The following USP25 variants were observed in gnomAD, a reference collection of about 807,000 sequenced individuals.
The protein encoded by USP25 is ubiquitin specific peptidase 25, also known as ubiquitin carboxyl-terminal hydrolase 25.
Under a neutral mutation model 158.5 loss-of-function variants are expected in USP25, and 85 were observed. The observed-to-expected ratio is 0.54, with a 90% CI of 0.45 to 0.64. USP25 has a LOEUF of 0.64. USP25 is among the 30% of genes least tolerant of loss of function. The pLI is 0.00. For synonymous variants in USP25, 464 were observed against 460.4 expected (o/e 1.01, Z -0.10); for missense variants, 1,242 against 1,327.3 (o/e 0.94, Z 1.00).
intron 9 of USP25, 69 bp from the exon 10 acceptor site, chr21:15,818,629 C>A: frequency 7.2e-7 from 1 of 1,383,654 alleles, no homozygotes; most frequent in South Asian, 1.4e-5. Context: ...GGTGAGAATC[C>A]TTACGTACTC....
At chr21:15,767,264 T>C (rs1049879593) in intron 3 of USP25, among the ~76,000 whole-genome samples, 1 of 152,066 alleles carries the variant, frequency 6.6e-6, no homozygotes, top group Admixed American at 6.6e-5. Context: ...TTCTCTGTCT[T>C]TACATTTGCT....
chr21:15,828,669 C>T (rs959359261), intron 14 of USP25, among the ~76,000 whole-genome samples: 7 of 152,178 alleles, frequency 4.6e-5, no homozygotes, highest in Non-Finnish European at 1.0e-4. Context: ...GACGGAGTCT[C>T]GCTCTGTCAC....
intron 1 of USP25, among the ~76,000 whole-genome samples, chr21:15,732,079 T>C (rs757345569): frequency 6.6e-6 from 1 of 152,192 alleles, no homozygotes; most frequent in Non-Finnish European, 1.5e-5. Context: ...GGTTCAGAGG[T>C]TATGCATAAA....
Position 15,730,352 on chromosome 21 carries a change from C to G in USP25, c.-42C>G. The G allele has an allele frequency of 8.6e-7, 1 of 1,158,556 alleles. No individual in the cohort carries two copies. The highest frequency in any genetic ancestry group is 1.1e-6 in the Non-Finnish European group (1 of 943,212). The allele number at this position is 1,158,556 out of a possible 1,614,324, so 71.8% of individuals were successfully genotyped here. ...CCAGGGCCGGCGGAGGCGCGAGGAG[C>G]CGGGCGCCACCGCCGCCGCCGCCGC... On this transcript the variant is annotated 5_prime_UTR_variant, in exon 1 of 26. Coordinates refer to ENST00000400183, the MANE Select transcript of USP25 (RefSeq NM_001283041.3).
intron 19 of USP25, among the ~76,000 whole-genome samples, chr21:15,848,614 A>T (rs1483566441): frequency 6.6e-6 from 1 of 152,062 alleles, no homozygotes; most frequent in Non-Finnish European, 1.5e-5. Flanking sequence ...TAAGAATTGC[A>T]TTTATGTTAA....
chr21:15,743,808 A>G (rs960559023), intron 1 of USP25, among the ~76,000 whole-genome samples: 2 of 151,892 alleles, frequency 1.3e-5, no homozygotes, highest in Non-Finnish European at 2.9e-5. Context: ...GCGCCTGCCT[A>G]GGAATTTGTC....
intron 1 of USP25, among the ~76,000 whole-genome samples, chr21:15,756,709 G>T (rs2033400851): frequency 6.6e-6 from 1 of 152,104 alleles, no homozygotes; most frequent in Admixed American, 6.6e-5. Context: ...ATGTTATTGT[G>T]CAGTAAAAAT....
chr21:15,839,463 GAAC>G (rs1236769712), intron 17 of USP25, among the ~76,000 whole-genome samples: 1 of 152,132 alleles, frequency 6.6e-6, no homozygotes, highest in Non-Finnish European at 1.5e-5. Flanking sequence ...CTTCCATACA[GAAC>G]AACACAATAT....
intron 12 of USP25, among the ~76,000 whole-genome samples, chr21:15,825,700 A>G (rs550798046): frequency 2.6e-5 from 4 of 152,256 alleles, no homozygotes; most frequent in South Asian, 2.1e-4. Context: ...GCAAACCCCA[A>G]TCTGCTCTGC....
At chr21:15,872,031 T>G (rs1202000641) in intron 23 of USP25, among the ~76,000 whole-genome samples, 2 of 147,924 alleles carry the variant, frequency 1.4e-5, no homozygotes, top group Admixed American at 6.7e-5. Context: ...TTTTTTTTTT[T>G]TTTTTTTTTA....
Position 15,877,108 on chromosome 21 carries a change from G to A in USP25, c.3010-688G>A, listed in dbSNP as rs2040129581. The stretch of plus-strand genomic sequence containing the variant: ...ATTCATTTATATATTGGGTATTATT[G>A]TCTTTGTACTACAATGGCAGAGTTG... On this transcript the variant is annotated intron_variant, in intron 24 of 25. Transcript: ENST00000400183. 2.6e-5 allele frequency: 4 copies of A among 152,172 alleles called. No homozygotes were observed. The South Asian group carries it at 6.2e-4, about 24-fold the overall frequency. 9.4% of individuals were successfully genotyped at this position (152,172 alleles called of 1,614,324 possible).
In USP25 at chr21:15,847,768, G is replaced by A. The variant is rs200059109; in HGVS notation, c.2443G>A (p.Asp815Asn). The change falls in exon 19 of 26, where the codon GAT becomes AAT. Residue 815 changes from aspartate (D) to asparagine (N), a missense_variant. Physicochemically the swap from Asp to Asn is conservative, Grantham distance 23. Coordinates refer to ENST00000400183, the MANE Select transcript of USP25 (RefSeq NM_001283041.3). ...FMIESKEGGY[D>N]DEIMMTPNMQ... ...GATTGAATCAAAGGAGGGGGGGTAT[G>A]ATGACGAGGTACCTTTTACAGCCCT... The A allele has an allele frequency of 1.0e-5, 16 of 1,547,614 alleles. No homozygotes were observed. Among genetic ancestry groups the A allele is most frequent in the Non-Finnish European group, 1.4e-5 (16 of 1,144,474 alleles).
At chr21:15,730,480 C>T in intron 1 of USP25, 42 bp downstream of exon 1, 2 of 1,324,174 alleles carry the variant, frequency 1.5e-6, no homozygotes, top group Non-Finnish European at 1.9e-6. Flanking sequence ...CTTCTCCTTC[C>T]GACGGGCTGT....
intron 5 of USP25, among the ~76,000 whole-genome samples, chr21:15,794,720 T>C (rs936646579): frequency 6.6e-6 from 1 of 151,568 alleles, no homozygotes; most frequent in African/African-American, 2.4e-5. Context: ...TGGTAAAGTA[T>C]GTGGTTACCT....
chr21:15,811,609 C>G (rs2036664817), intron 9 of USP25, among the ~76,000 whole-genome samples: 1 of 152,034 alleles, frequency 6.6e-6, no homozygotes, highest in African/African-American at 2.4e-5. Flanking sequence ...TTAGCATAGT[C>G]AGGGTATTAT....
intron 16 of USP25, among the ~76,000 whole-genome samples, chr21:15,832,070 A>G (rs1470485856): frequency 1.3e-5 from 2 of 152,042 alleles, no homozygotes; most frequent in African/African-American, 4.8e-5. Context: ...GCATGTTCGT[A>G]TATGTTTTAT....
At position 15,860,969 on chromosome 21, in the gene USP25, T is replaced by TAGAG. The variant is rs1441004914; in HGVS notation, c.2548-3298_2548-3297insGAGA. Among the ~76,000 whole-genome samples the TAGAG allele has an allele frequency of 9.2e-4, 130 of 141,320 alleles. 1 individual carries two copies. The highest frequency in any genetic ancestry group is 6.2e-3 in the South Asian group (27 of 4,388). 92.7% of individuals were successfully genotyped at this position (141,320 alleles called of 152,430 possible). ...TGGTATCTTCATATATATATATATATATATATAGAGAGAGAGAGAGAGAGA... is the reference window on the plus strand; with the variant it reads ...TGGTATCTTCATATATATATATATATAGAGATATATAGAGAGAGAGAGAGAGAGA... On this transcript the variant is annotated intron_variant, in intron 20 of 25. Coordinates refer to ENST00000400183, the MANE Select transcript of USP25 (RefSeq NM_001283041.3).
chr21:15,821,091 T>A (rs1381910539), intron 10 of USP25, among the ~76,000 whole-genome samples: 1 of 151,924 alleles, frequency 6.6e-6, no homozygotes, highest in Non-Finnish European at 1.5e-5. Context: ...AGGAAAAAAA[T>A]TTCAGATAGT....
intron 5 of USP25, among the ~76,000 whole-genome samples, chr21:15,798,650 GAATA>G (rs2035979830): frequency 6.6e-6 from 1 of 151,234 alleles, no homozygotes; most frequent in African/African-American, 2.4e-5. Context: ...TTAAATGAAT[GAATA>G]GATGATTTAT....
Sources: gnomAD v4.1 joint callset for allele counts (sites outside exome capture counted in the v4.1 genomes callset) on GRCh38, gnomAD v4.1.1 for gene constraint, MANE v1.5 for transcripts, NCBI Gene and HGNC (gene_info 2026-07-23, HGNC 2026-07-21) for gene names.